Variants in TSPEAR observed in about 807,000 individuals in gnomAD.
TSPEAR encodes thrombospondin-type laminin G domain and EAR repeat-containing protein.
A neutral mutation model predicts 71.6 loss-of-function variants in TSPEAR; 69 were observed. The observed-to-expected ratio is 0.96, with a 90% CI of 0.79 to 1.18. TSPEAR has a LOEUF of 1.18. Among genes scored for constraint, TSPEAR ranks in the 50% most tolerant of loss-of-function variants. The pLI, the probability that TSPEAR is intolerant of heterozygous loss-of-function variation, is 0.00. For synonymous variants in TSPEAR, 402 were observed against 387.2 expected (o/e 1.04, Z -0.45); for missense variants, 971 against 894.9 (o/e 1.09, Z -1.09).
intron 6 of TSPEAR, among the ~76,000 whole-genome samples, chr21:44,527,962 G>C (rs967184520): frequency 1.3e-5 from 2 of 152,108 alleles, no homozygotes; most frequent in African/African-American, 4.8e-5. Context: ...AACCTTTCAG[G>C]CTCGTCATCT....
At chr21:44,640,346 C>T (rs116744293) in intron 1 of TSPEAR, among the ~76,000 whole-genome samples, 1,871 of 152,264 alleles carry the variant, frequency 0.012, 32 homozygotes, top group African/African-American at 0.042. Context: ...CAGGCAAATC[C>T]GCAGAGAAAG....
chr21:44,590,444 G>A (rs587734535), intron 1 of TSPEAR, among the ~76,000 whole-genome samples: 162 of 152,218 alleles, frequency 1.1e-3, no homozygotes, highest in African/African-American at 3.7e-3. Flanking sequence ...AGGCGAGGCC[G>A]CATGGGGCAG....
intron 9 of TSPEAR, among the ~76,000 whole-genome samples, chr21:44,512,271 A>G (rs2052408468): frequency 7.2e-6 from 1 of 139,770 alleles, no homozygotes; most frequent in Non-Finnish European, 1.5e-5. Context: ...GGTCAGATGT[A>G]TGTGGACGGC....
chr21:44,558,865 G>T, intron 2 of TSPEAR: 1 of 1,013,866 alleles, frequency 9.9e-7, no homozygotes, highest in Non-Finnish European at 1.4e-6. Context: ...GCCTGGCTTC[G>T]AGAAGCCTTC....
chr21:44,652,006 C>T lies in TSPEAR; in HGVS notation c.82+59427G>A, dbSNP rs868967445. ...TTTTTTTTTTTTTTTTTTTTTGAAA[C>T]GGAGTCTCACTGTGTCGCCCAGGCT... On this transcript the variant is annotated intron_variant, in intron 1 of 11. Coordinates refer to ENST00000323084, the MANE Select transcript of TSPEAR (RefSeq NM_144991.3). Among the ~76,000 whole-genome samples, 117 of 104,020 alleles carry T rather than the reference C, an allele frequency of 1.1e-3. 1 individual carries two copies. Among genetic ancestry groups the T allele is most frequent in the Middle Eastern group, 8.9e-3 (1 of 112 alleles). 68.2% of individuals were successfully genotyped at this position (104,020 alleles called of 152,430 possible). A position where few individuals can be genotyped will look rare whatever the true frequency, so the allele number is the denominator to read the frequency against.
intron 1 of TSPEAR, among the ~76,000 whole-genome samples, chr21:44,609,962 G>A (rs183709969): frequency 8.7e-4 from 133 of 152,264 alleles, no homozygotes; most frequent in Non-Finnish European, 1.6e-3. Flanking sequence ...AATTGAAAAT[G>A]CAAGAAATAA....
intron 1 of TSPEAR, among the ~76,000 whole-genome samples, chr21:44,664,515 C>A (rs1985652130): frequency 6.6e-6 from 1 of 152,102 alleles, no homozygotes; most frequent in Non-Finnish European, 1.5e-5. Context: ...CAATACACTC[C>A]CAATCAAAAT....
chr21:44,529,016 G>C (rs1350973641), intron 5 of TSPEAR, among the ~76,000 whole-genome samples: 2 of 152,212 alleles, frequency 1.3e-5, no homozygotes, highest in Non-Finnish European at 2.9e-5. Flanking sequence ...CCCCACCATG[G>C]GTCCTAATTC....
At chr21:44,660,218 T>C (rs1985415211) in intron 1 of TSPEAR, among the ~76,000 whole-genome samples, 2 of 152,048 alleles carry the variant, frequency 1.3e-5, no homozygotes, top group Admixed American at 1.3e-4. Flanking sequence ...AAAGAGGTAA[T>C]AGTTGAGAAA....
At position 44,695,338 on chromosome 21, in the gene TSPEAR, C is replaced by T. The variant is rs782728190; in HGVS notation, c.82+16095G>A. ...ATGTACAGAACAGGCCCCTGGGTCT[C>T]GGTCCCCAAAGCACCTCTTCTCAGA... On this transcript the variant is annotated intron_variant, in intron 1 of 11. Coordinates refer to ENST00000323084, the MANE Select transcript of TSPEAR (RefSeq NM_144991.3). The surrounding 1 kb of genome is among the most constrained non-coding windows in gnomAD (Gnocchi z 4.5). Among the ~76,000 whole-genome samples the T allele has an allele frequency of 6.6e-6, 1 of 152,132 alleles. No homozygotes were observed. Among genetic ancestry groups the T allele is most frequent in the African/African-American group, 2.4e-5 (1 of 41,410 alleles).
chr21:44,540,207 AGT>A (rs1218077396), intron 2 of TSPEAR: 12 of 1,585,006 alleles, frequency 7.6e-6, no homozygotes, highest in Non-Finnish European at 1.0e-5. Context: ...TGTGGGAGTC[AGT>A]GTGTGTGTGA....
chr21:44,709,267 C>T (rs891774342), intron 1 of TSPEAR, among the ~76,000 whole-genome samples: 2 of 152,234 alleles, frequency 1.3e-5, no homozygotes, highest in Non-Finnish European at 2.9e-5. Context: ...CCTGGGTCCG[C>T]AGCATCACGC....
At chr21:44,499,998 G>A (rs1212914476) in intron 11 of TSPEAR, 62 bp from the exon 12 acceptor site, 86 of 1,510,994 alleles carry the variant, frequency 5.7e-5, no homozygotes, top group African/African-American at 1.1e-4. Context: ...CCTCTCCCCC[G>A]GCTCCCACCC....
At chr21:44,501,141 C>T (rs1230991808) in intron 11 of TSPEAR, among the ~76,000 whole-genome samples, 1 of 152,236 alleles carries the variant, frequency 6.6e-6, no homozygotes, top group South Asian at 2.1e-4. Context: ...CCATCCTTTT[C>T]TCATTGCCTT....
chr21:44,568,516 C>T (rs1255311909), intron 1 of TSPEAR, among the ~76,000 whole-genome samples: 1 of 152,226 alleles, frequency 6.6e-6, no homozygotes, highest in Non-Finnish European at 1.5e-5. Context: ...CCTCGTCCCC[C>T]TCTGGGCGTG....
chr21:44,551,703 G>A (rs1304656295), intron 2 of TSPEAR, among the ~76,000 whole-genome samples: 6 of 152,100 alleles, frequency 3.9e-5, no homozygotes, highest in Admixed American at 6.5e-5. Context: ...CCTAACACTC[G>A]GCTGGTCCTG....
chr21:44,591,513 A>G (rs782469153), intron 1 of TSPEAR: 1 of 1,614,024 alleles, frequency 6.2e-7, no homozygotes, highest in Non-Finnish European at 8.5e-7. Context: ...AGGCAGAGGC[A>G]CCACAGGAGG....
chr21:44,639,110 G>A (rs1324780955), intron 1 of TSPEAR, among the ~76,000 whole-genome samples: 8 of 152,136 alleles, frequency 5.3e-5, no homozygotes, highest in African/African-American at 1.9e-4. Flanking sequence ...GGGCCCCCCT[G>A]CCCCATGCGG....
chr21:44,540,995 T>G (rs2053213220), intron 2 of TSPEAR, among the ~76,000 whole-genome samples: 1 of 149,706 alleles, frequency 6.7e-6, no homozygotes, highest in Non-Finnish European at 1.5e-5. Context: ...TTTTTTTTTG[T>G]ACAGATGGCG....
Sources: gnomAD v4.1 joint callset for allele counts (sites outside exome capture counted in the v4.1 genomes callset) on GRCh38, gnomAD v4.1.1 for gene constraint, Gnocchi (gnomAD v3.1) non-coding constraint, MANE v1.5 for transcripts, NCBI Gene and HGNC (gene_info 2026-07-23, HGNC 2026-07-21) for gene names.